Variants in SMC2 observed in about 807,000 individuals in gnomAD.
The protein encoded by SMC2 is structural maintenance of chromosomes 2.
A neutral mutation model predicts 142.6 loss-of-function variants in SMC2; 41 were observed. That is an observed-to-expected ratio of 0.29 (90% CI 0.22 to 0.37). The LOEUF (loss-of-function observed/expected upper bound fraction) is 0.37, where lower values mean the gene tolerates loss of function less well. SMC2 is among the 10% of genes least tolerant of loss of function. The pLI is 1.00. For synonymous variants in SMC2, 463 were observed against 457.5 expected, an observed-to-expected ratio of 1.01 and a Z score of -0.15; for missense variants, 1,265 against 1,373.7, an observed-to-expected ratio of 0.92 and a Z score of 1.25.
At chr9:104,133,644 A>G (rs1023970002) in intron 22 of SMC2, among the ~76,000 whole-genome samples, 2 of 152,136 alleles carry the variant, frequency 1.3e-5, no homozygotes, top group Non-Finnish European at 1.5e-5. Flanking sequence ...CAGATGGCCA[A>G]ATTCCCAAAT....
At chr9:104,110,745 G>T (rs1166664963) in intron 9 of SMC2, among the ~76,000 whole-genome samples, 3 of 152,084 alleles carry the variant, frequency 2.0e-5, no homozygotes, top group Admixed American at 1.3e-4. Flanking sequence ...CAAGTATACT[G>T]CCCCACAAGT....
chr9:104,141,350 C>T lies in SMC2; in HGVS notation c.*2035C>T, dbSNP rs1044058883. 3.3e-5 allele frequency: 5 copies of T among 152,084 alleles called. No individual in the cohort carries two copies. The highest frequency in any genetic ancestry group is 1.2e-4 in the African/African-American group (5 of 41,428). The allele number at this position is 152,084 out of a possible 1,614,324, so 9.4% of individuals were successfully genotyped here. A position where few individuals can be genotyped will look rare whatever the true frequency, so the allele number is the denominator to read the frequency against. On this transcript the variant is annotated 3_prime_UTR_variant, in exon 25 of 25. Coordinates refer to ENST00000374793, the MANE Select transcript of SMC2 (RefSeq NM_006444.3). ...GACAAATCTTGTCAGTCTCCAGAAC[C>T]TAAGATATACTACGTCACTGACAGC...
At chr9:104,107,026 C>T (rs1479590026) in intron 9 of SMC2, among the ~76,000 whole-genome samples, 2 of 152,126 alleles carry the variant, frequency 1.3e-5, no homozygotes, top group Non-Finnish European at 2.9e-5. Context: ...GAGGAGAAGC[C>T]AAAGCATCCC....
intron 17 of SMC2, 138 bp downstream of exon 17, chr9:104,123,370 CTAGGTCT>C (rs1368882145): frequency 6.5e-6 from 5 of 774,290 alleles, no homozygotes; most frequent in Non-Finnish European, 9.5e-6. Flanking sequence ...TATGGGATTT[CTAGGTCT>C]TAGGGTATGG....
chr9:104,126,030 G>C (rs1248572191), intron 18 of SMC2, among the ~76,000 whole-genome samples: 2 of 152,212 alleles, frequency 1.3e-5, no homozygotes, highest in African/African-American at 4.8e-5. Flanking sequence ...CCTTGTGTCA[G>C]ATCAGCTGTG....
intron 23 of SMC2, chr9:104,135,747 T>TAAAC (rs938884073): frequency 2.2e-6 from 1 of 463,508 alleles, no homozygotes; most frequent in African/African-American, 2.0e-5. Context: ...GACTTCTTGT[T>TAAAC]AAACACTATG....
intron 18 of SMC2, 115 bp downstream of exon 18, chr9:104,125,220 G>A: frequency 2.7e-6 from 2 of 748,666 alleles, no homozygotes; most frequent in South Asian, 4.8e-5. Flanking sequence ...ATCTAAAAGG[G>A]AGCAGTGTTC....
At chr9:104,130,180 A>C (rs1257024657) in intron 21 of SMC2, among the ~76,000 whole-genome samples, 1 of 152,206 alleles carries the variant, frequency 6.6e-6, no homozygotes, top group Non-Finnish European at 1.5e-5. Flanking sequence ...ACTCTACTGT[A>C]TACTGAAACT....
At chr9:104,089,846 A>C (rs1201118500), upstream of SMC2, among the ~76,000 whole-genome samples, 2 of 152,052 alleles carry the variant, frequency 1.3e-5, no homozygotes, top group Non-Finnish European at 2.9e-5. Flanking sequence ...GGGTTTCGCC[A>C]TGTTGGAACC....
intron 16 of SMC2, among the ~76,000 whole-genome samples, chr9:104,120,608 T>C (rs1833627056): frequency 6.6e-6 from 1 of 152,206 alleles, no homozygotes; most frequent in African/African-American, 2.4e-5. Context: ...ATCTGCTAGG[T>C]TGCCTAGTGA....
At chr9:104,126,384 A>G (rs757268750) in intron 18 of SMC2, among the ~76,000 whole-genome samples, 1 of 152,210 alleles carries the variant, frequency 6.6e-6, no homozygotes. Context: ...TTTTCCCTAT[A>G]GGAATAAAGG....
intron 17 of SMC2, 112 bp downstream of exon 17, chr9:104,123,344 T>G: frequency 9.5e-7 from 1 of 1,054,130 alleles, no homozygotes; most frequent in South Asian, 2.2e-5. Flanking sequence ...TAAAGTTTAT[T>G]TAGGGAAAAT....
At chr9:104,117,616 T>C (rs1455956272) in intron 14 of SMC2, among the ~76,000 whole-genome samples, 1 of 152,206 alleles carries the variant, frequency 6.6e-6, no homozygotes, top group Non-Finnish European at 1.5e-5. Context: ...AATTCCTGAT[T>C]ATTGAAACAA....
chr9:104,103,332 G>A (rs1004302723), intron 9 of SMC2, among the ~76,000 whole-genome samples: 5 of 152,186 alleles, frequency 3.3e-5, no homozygotes, highest in African/African-American at 1.2e-4. Context: ...AAAAAGAAAA[G>A]TGAATATAGA....
At chr9:104,091,984 A>G (rs1344932290), upstream of SMC2, 2 of 152,202 alleles carry the variant, frequency 1.3e-5, no homozygotes, top group African/African-American at 4.8e-5. Flanking sequence ...AAGCAAGAAC[A>G]GTGTTTTCTG....
At position 104,101,986 on chromosome 9, in the gene SMC2, A is replaced by C; in HGVS notation, c.663A>C (p.Gln221His). Reference sequence around the variant, plus strand: ...AAAGATCGTCCTACTTGGAGTACCAAAAAGTAATGAGAGAAATAGAACATT... The same window carrying C: ...AAAGATCGTCCTACTTGGAGTACCACAAAGTAATGAGAGAAATAGAACATT... ...KEERSSYLEY[Q>H]KVMREIEHLS... is the part of the protein sequence containing the mutation. Residue 221 changes from glutamine to histidine, a missense_variant, in exon 8 of 25, where the codon CAA (glutamine) becomes CAC (histidine). Transcript: ENST00000374793. The C allele has an allele frequency of 6.2e-7, 1 of 1,605,450 alleles. No individual in the cohort carries two copies. The highest frequency in any genetic ancestry group is 1.1e-5 in the South Asian group (1 of 87,932).
chr9:104,093,940 T>C (rs1830164670), upstream of SMC2, among the ~76,000 whole-genome samples: 1 of 152,280 alleles, frequency 6.6e-6, no homozygotes. Flanking sequence ...ACTGTCGCTT[T>C]GAGGAGAGAA....
At chr9:104,128,407 A>G (rs946603312) in intron 20 of SMC2, among the ~76,000 whole-genome samples, 1 of 152,186 alleles carries the variant, frequency 6.6e-6, no homozygotes, top group Admixed American at 6.5e-5. Flanking sequence ...TGAAAATGCT[A>G]GTACTGGCGA....
intron 14 of SMC2, among the ~76,000 whole-genome samples, chr9:104,117,732 T>G (rs978963535): frequency 6.6e-6 from 1 of 152,198 alleles, no homozygotes. Flanking sequence ...AAAATGCTCA[T>G]TGGAGTATTT....
Sources: allele counts gnomAD v4.1 joint callset (sites outside exome capture counted in the v4.1 genomes callset), GRCh38; gene constraint gnomAD v4.1.1; transcripts MANE v1.5; gene names NCBI Gene and HGNC (gene_info 2026-07-23, HGNC 2026-07-21).